The following MET variants were observed in gnomAD, a reference collection of about 807,000 sequenced individuals.
MET encodes MET proto-oncogene, receptor tyrosine kinase.
MET carries 48 observed loss-of-function variants against 133.1 expected under a neutral mutation model. The observed-to-expected ratio is 0.36, with a 90% confidence interval of 0.29 to 0.46. MET has a LOEUF of 0.46. Ranked by LOEUF, MET falls within the 20% of genes least tolerant of loss-of-function variation. The pLI is 1.00. For synonymous variants in MET, 628 were observed against 616.5 expected (o/e 1.02, Z -0.28); for missense variants, 1,442 against 1,695.9 (o/e 0.85, Z 2.63).
intron 2 of MET, among the ~76,000 whole-genome samples, chr7:116,710,664 C>T (rs1791961675): frequency 6.6e-6 from 1 of 151,928 alleles, no homozygotes; most frequent in South Asian, 2.1e-4. Context: ...AAATGTACAA[C>T]AGGACTTCAC....
chr7:116,741,225 G>T, intron 5 of MET, 200 bp downstream of exon 5: 1 of 631,740 alleles, frequency 1.6e-6, no homozygotes, highest in Non-Finnish European at 2.7e-6. Context: ...GGCAGGGAGG[G>T]GGTGGTGTTT....
chr7:116,783,271 A>G (rs2117064766), intron 18 of MET, 33 bp from the exon 19 acceptor site: 2 of 1,613,438 alleles, frequency 1.2e-6, no homozygotes, highest in African/African-American at 1.3e-5. Context: ...ATTCTATTTC[A>G]GCCACGGGTA....
At chr7:116,786,294 T>TAAAC (rs1315485265) in intron 19 of MET, among the ~76,000 whole-genome samples, 10 of 152,306 alleles carry the variant, frequency 6.6e-5, no homozygotes, top group East Asian at 3.9e-4. Flanking sequence ...GCCCCATCAT[T>TAAAC]AAACATTGTC....
intron 3 of MET, among the ~76,000 whole-genome samples, chr7:116,733,667 A>G (rs1445075418): frequency 1.3e-5 from 2 of 152,184 alleles, no homozygotes; most frequent in Non-Finnish European, 2.9e-5. Flanking sequence ...CTATGCATCC[A>G]AAACAAAAGG....
chr7:116,738,901 G>A (rs1324076277), intron 3 of MET, among the ~76,000 whole-genome samples: 1 of 152,168 alleles, frequency 6.6e-6, no homozygotes, highest in Non-Finnish European at 1.5e-5. Flanking sequence ...CTATGTAATC[G>A]TAATCTCACA....
intron 14 of MET, among the ~76,000 whole-genome samples, chr7:116,773,624 G>A (rs1794900862): frequency 6.6e-6 from 1 of 152,188 alleles, no homozygotes; most frequent in South Asian, 2.1e-4. Context: ...AAGGGAGCAA[G>A]TACCCAGCTA....
At chr7:116,782,532 C>T (rs1373280142) in intron 18 of MET, among the ~76,000 whole-genome samples, 1 of 152,124 alleles carries the variant, frequency 6.6e-6, no homozygotes, top group African/African-American at 2.4e-5. Context: ...TGGTATTTGG[C>T]AATGAATATA....
At chr7:116,731,300 A>G (rs767537903) in intron 2 of MET, among the ~76,000 whole-genome samples, 5 of 152,316 alleles carry the variant, frequency 3.3e-5, no homozygotes, top group Admixed American at 6.5e-5. Flanking sequence ...AACATTTATT[A>G]TTATTCCAGT....
At chr7:116,730,665 AT>A (rs1386553574) in intron 2 of MET, among the ~76,000 whole-genome samples, 1 of 152,120 alleles carries the variant, frequency 6.6e-6, no homozygotes, top group Non-Finnish European at 1.5e-5. Context: ...GATGGACTGT[AT>A]ATGGGGGCGG....
intron 5 of MET, among the ~76,000 whole-genome samples, chr7:116,748,206 T>C (rs1370840781): frequency 6.6e-6 from 1 of 152,224 alleles, no homozygotes; most frequent in Non-Finnish European, 1.5e-5. Flanking sequence ...AAGGCGCCAC[T>C]GCACTCCAGC....
Position 116,723,252 on chromosome 7 carries a change from C to G in MET, c.1201-8416C>G, listed in dbSNP as rs1376390374. On this transcript the variant is annotated intron_variant, in intron 2 of 20. Coordinates refer to ENST00000397752, the MANE Select transcript of MET (RefSeq NM_000245.4). ...TCATTTCATCTTCCATTGCTGATAC[C>G]CTTTCTTCCAGTTGATCGCATCGGC... 6.2e-5 allele frequency among the ~76,000 whole-genome samples: 9 copies of G among 145,576 alleles called. No individual in the cohort carries two copies. The East Asian group carries it at 9.9e-4, about 16-fold the overall frequency.
chr7:116,775,039 G>C lies in MET; in HGVS notation c.3187G>C (p.Val1063Leu), dbSNP rs2117031494. ...CCTCAGTGCTCTAAATCCAGAGCTG[G>C]TCCAGGCAGTGCAGCATGTAGTGAT... The part of the protein sequence containing the change: ...IDLSALNPEL[V>L]QAVQHVVIGP... Residue 1063 changes from valine to leucine, a missense_variant, in exon 15 of 21, where the codon GTC becomes CTC. Physicochemically the swap from Val to Leu is conservative, Grantham distance 32 (BLOSUM62 1). Around this residue, in one of 6 missense-constraint regions of MET, gnomAD observed 514 missense variants for 659.6 expected, o/e 0.78. Transcript: ENST00000397752. 1 of 1,614,208 alleles carries C rather than the reference G, an allele frequency of 6.2e-7. No homozygotes were observed. The highest frequency in any genetic ancestry group is 1.1e-5 in the South Asian group (1 of 91,090).
In MET at chr7:116,730,010, G is replaced by T. The variant is rs546362587; in HGVS notation, c.1201-1658G>T. On this transcript the variant is annotated intron_variant, in intron 2 of 20. Transcript: ENST00000397752. ...AGTTTCACATTATCTTATAAATCAC[G>T]CAAGCAAATGTTATGTTGCAGCTTG... Among the ~76,000 whole-genome samples the T allele has an allele frequency of 1.1e-4, 16 of 152,236 alleles. No individual in the cohort carries two copies. The South Asian group carries it at 2.5e-3, about 24-fold the overall frequency.
At chr7:116,691,835 C>A (rs78164004) in intron 1 of MET, among the ~76,000 whole-genome samples, 1 of 152,112 alleles carries the variant, frequency 6.6e-6, no homozygotes, top group African/African-American at 2.4e-5. Context: ...ATACTCAACC[C>A]TGACCAAGCT....
chr7:116,779,396 T>C (rs1003499444), intron 17 of MET, among the ~76,000 whole-genome samples: 1 of 152,352 alleles, frequency 6.6e-6, no homozygotes, highest in African/African-American at 2.4e-5. Context: ...TTTGCACTTG[T>C]GCTCCCTCAG....
chr7:116,784,240 ATATACT>A (rs1302090619), intron 19 of MET, among the ~76,000 whole-genome samples: 2 of 152,240 alleles, frequency 1.3e-5, no homozygotes, highest in African/African-American at 4.8e-5. Context: ...ATGGAGAAAA[ATATACT>A]TATACTAGGT....
At chr7:116,717,864 A>T (rs1792306095) in intron 2 of MET, among the ~76,000 whole-genome samples, 1 of 152,208 alleles carries the variant, frequency 6.6e-6, no homozygotes, top group Admixed American at 6.5e-5. Context: ...TTTTGAATCA[A>T]ATATATTGAG....
chr7:116,743,597 A>G lies in MET; in HGVS notation c.1701+2572A>G, dbSNP rs1014791960. 1.1e-3 allele frequency among the ~76,000 whole-genome samples: 164 copies of G among 152,138 alleles called. 3 individuals are homozygous for G. Among genetic ancestry groups the G allele is most frequent in the Non-Finnish European group, 2.2e-4 (15 of 68,016 alleles). On this transcript the variant is annotated intron_variant, in intron 5 of 20. Transcript: ENST00000397752. ...ATAGGCTATTTTCCCCTCACACTGT[A>G]AAGGGTACAGCTTCAGCAGACTTAA...
chr7:116,694,782 G>A (rs957854291), intron 1 of MET, among the ~76,000 whole-genome samples: 18 of 152,176 alleles, frequency 1.2e-4, no homozygotes, highest in African/African-American at 4.1e-4. Context: ...CAATTCCCTG[G>A]TTCAAGAGAT....
Sources: gnomAD v4.1 joint callset for allele counts (sites outside exome capture counted in the v4.1 genomes callset) on GRCh38, gnomAD v4.1.1 for gene constraint, gnomAD v4.1.1 regional missense constraint, MANE v1.5 for transcripts, NCBI Gene and HGNC (gene_info 2026-07-23, HGNC 2026-07-21) for gene names.